Variants in IMMP2L observed in about 807,000 individuals in gnomAD.
IMMP2L encodes the protein mitochondrial inner membrane protease subunit 2.
IMMP2L carries 18 observed loss-of-function variants against 19.3 expected under a neutral mutation model. The observed-to-expected ratio is 0.93, with a 90% confidence interval of 0.64 to 1.38. The LOEUF is 1.38. Ranked by LOEUF, IMMP2L falls within the 40% of genes most tolerant of loss-of-function variation. The pLI, the probability that IMMP2L is intolerant of heterozygous loss-of-function variation, is 0.00. For synonymous variants in IMMP2L, 76 were observed against 73.0 expected (o/e 1.04, Z -0.21); for missense variants, 233 against 218.2 (o/e 1.07, Z -0.43).
intron 3 of IMMP2L, among the ~76,000 whole-genome samples, chr7:111,231,945 T>C (rs1467787309): frequency 1.3e-5 from 2 of 151,960 alleles, no homozygotes; most frequent in African/African-American, 4.8e-5. Flanking sequence ...ATCTGAATCT[T>C]AAGACAATTC....
rs66610515 is a variant in IMMP2L at position 111,217,026 on chromosome 7, G to GA, written c.240-253462dup. Among the ~76,000 whole-genome samples, 5 of 149,624 alleles carry GA rather than the reference G, an allele frequency of 3.3e-5. No individual in the cohort carries two copies. The South Asian group carries it at 6.4e-4, about 19-fold the overall frequency. On this transcript the variant is annotated intron_variant, in intron 3 of 5. Coordinates refer to ENST00000405709, the MANE Select transcript of IMMP2L (RefSeq NM_032549.4). ...TTAATTTTCCCTTTGGAATTTTCTG[G>GA]AAAAAAAATTGCCAGTGTAAATTCT...
chr7:110,801,592 T>C (rs149111318), intron 5 of IMMP2L, among the ~76,000 whole-genome samples: 10 of 152,182 alleles, frequency 6.6e-5, no homozygotes, highest in African/African-American at 2.4e-4. Flanking sequence ...CTAGCTAGAA[T>C]TGGGAATTGA....
At chr7:111,287,706 G>A (rs998932408) in intron 3 of IMMP2L, among the ~76,000 whole-genome samples, 1 of 151,980 alleles carries the variant, frequency 6.6e-6, no homozygotes, top group South Asian at 2.1e-4. Context: ...AGAGTTGGAG[G>A]GAATTGATGA....
At position 111,312,568 on chromosome 7, in the gene IMMP2L, T is replaced by C. The variant is rs1216597184; in HGVS notation, c.239+174670A>G. ...TCCTGAACCCATAATTTCCTTTCTA[T>C]AAACCTTCTAGTGTAGTCAAAAACA... On this transcript the variant is annotated intron_variant, in intron 3 of 5. Coordinates refer to ENST00000405709, the MANE Select transcript of IMMP2L (RefSeq NM_032549.4). 4.6e-5 allele frequency among the ~76,000 whole-genome samples: 7 copies of C among 152,132 alleles called. No individual in the cohort carries two copies. The East Asian group carries it at 1.3e-3, about 29-fold the overall frequency.
Position 111,435,041 on chromosome 7 carries a change from T to A in IMMP2L, c.239+52197A>T, listed in dbSNP as rs191152060. ...TTAAAAATCCTAAAAACAATAGATGTTGGCAAGGATGCAGATAAGTGAACA... is the reference window on the plus strand; with the variant it reads ...TTAAAAATCCTAAAAACAATAGATGATGGCAAGGATGCAGATAAGTGAACA... On this transcript the variant is annotated intron_variant, in intron 3 of 5. Coordinates refer to ENST00000405709, the MANE Select transcript of IMMP2L (RefSeq NM_032549.4). Among the ~76,000 whole-genome samples, 53 of 152,060 alleles carry A rather than the reference T, an allele frequency of 3.5e-4. 2 individuals are homozygous for A. Among genetic ancestry groups the A allele is most frequent in the African/African-American group, 1.2e-3 (48 of 41,328 alleles).
chr7:111,421,142 A>G (rs1835480003), intron 3 of IMMP2L, among the ~76,000 whole-genome samples: 1 of 151,226 alleles, frequency 6.6e-6, no homozygotes, highest in African/African-American at 2.4e-5. Context: ...TTTGATTTGC[A>G]TTTCTCTGAT....
chr7:110,833,168 G>T (rs1804119940), intron 5 of IMMP2L, among the ~76,000 whole-genome samples: 1 of 152,180 alleles, frequency 6.6e-6, no homozygotes, highest in Non-Finnish European at 1.5e-5. Flanking sequence ...GTCGGGCACG[G>T]TGGCTCATGC....
intron 5 of IMMP2L, among the ~76,000 whole-genome samples, chr7:110,769,752 A>G: frequency 6.6e-6 from 1 of 152,202 alleles, no homozygotes; most frequent in East Asian, 1.9e-4. Context: ...ATAAAAAGAA[A>G]GAAAAGAGAG....
At chr7:110,889,710 T>C (rs753551577) in intron 4 of IMMP2L, among the ~76,000 whole-genome samples, 13 of 152,218 alleles carry the variant, frequency 8.5e-5, no homozygotes, top group Non-Finnish European at 1.8e-4. Context: ...AAGATTGTTA[T>C]ACAACATAGT....
chr7:111,287,715 G>C (rs1238691593), intron 3 of IMMP2L, among the ~76,000 whole-genome samples: 1 of 152,034 alleles, frequency 6.6e-6, no homozygotes, highest in African/African-American at 2.4e-5. Flanking sequence ...GGGAATTGAT[G>C]ATTATCCAAT....
chr7:110,771,964 G>A (rs954006507), intron 5 of IMMP2L, among the ~76,000 whole-genome samples: 6 of 152,140 alleles, frequency 3.9e-5, no homozygotes, highest in Admixed American at 1.3e-4. Flanking sequence ...TGGTATTAAA[G>A]AGAACTCTTA....
At chr7:111,480,724 A>G (rs1233397936) in intron 3 of IMMP2L, among the ~76,000 whole-genome samples, 2 of 152,072 alleles carry the variant, frequency 1.3e-5, no homozygotes, top group Non-Finnish European at 2.9e-5. Context: ...ACAAACTCAG[A>G]AAAATGTTTG....
intron 3 of IMMP2L, among the ~76,000 whole-genome samples, chr7:111,238,415 T>C (rs555123267): frequency 6.6e-6 from 1 of 152,182 alleles, no homozygotes; most frequent in South Asian, 2.1e-4. Context: ...ACATATATTG[T>C]TAAGTTTCAC....
chr7:110,755,368 T>C lies in IMMP2L; in HGVS notation c.409-91647A>G, dbSNP rs143874231. On this transcript the variant is annotated intron_variant, in intron 5 of 5. Transcript: ENST00000405709. Reference sequence around the variant, plus strand: ...ATTTCTAGACAAAAATAGAGAAAAGTTAACAGACTGGTTATTTAAAATACT... The same window carrying C: ...ATTTCTAGACAAAAATAGAGAAAAGCTAACAGACTGGTTATTTAAAATACT... Among the ~76,000 whole-genome samples the C allele has an allele frequency of 1.8e-4, 27 of 152,212 alleles. No homozygotes were observed. In the East Asian group the frequency reaches 5.2e-3, roughly 29 times the overall value.
At chr7:111,538,816 TAAAAAAAA>T in intron 1 of IMMP2L, among the ~76,000 whole-genome samples, 1 of 82,422 alleles carries the variant, frequency 1.2e-5, no homozygotes, top group Non-Finnish European at 2.4e-5. Context: ...CTGGCTCATT[TAAAAAAAA>T]AAAAAAAAAA....
intron 3 of IMMP2L, among the ~76,000 whole-genome samples, chr7:110,972,881 C>T (rs1031684251): frequency 2.6e-5 from 4 of 152,068 alleles, no homozygotes; most frequent in Non-Finnish European, 5.9e-5. Flanking sequence ...TTAACAGGCA[C>T]CTCAGAATGA....
intron 3 of IMMP2L, chr7:111,392,099 C>T: frequency 1.5e-6 from 1 of 649,996 alleles, no homozygotes. Context: ...TATATTTTCT[C>T]TTTGGCTATT....
chr7:111,322,991 T>C (rs1039237954), intron 3 of IMMP2L, among the ~76,000 whole-genome samples: 2 of 151,654 alleles, frequency 1.3e-5, no homozygotes, highest in Non-Finnish European at 2.9e-5. Context: ...GACGGCTGCA[T>C]CTCCCACATT....
At chr7:110,748,794 C>T (rs777454685) in intron 5 of IMMP2L, among the ~76,000 whole-genome samples, 1 of 152,142 alleles carries the variant, frequency 6.6e-6, no homozygotes, top group South Asian at 2.1e-4. Context: ...ACCATAAAAA[C>T]CCTAGAAGAA....
Sources: gnomAD v4.1 joint callset for allele counts (sites outside exome capture counted in the v4.1 genomes callset) on GRCh38, gnomAD v4.1.1 for gene constraint, MANE v1.5 for transcripts, NCBI Gene and HGNC (gene_info 2026-07-23, HGNC 2026-07-21) for gene names.